The following SLC7A9 variants were observed in gnomAD, a reference collection of about 807,000 sequenced individuals.
The protein encoded by SLC7A9 is solute carrier family 7 member 9.
Under a neutral mutation model 54.1 loss-of-function variants are expected in SLC7A9, and 38 were observed. That is an observed-to-expected ratio of 0.70 (90% CI 0.54 to 0.92). The LOEUF is 0.92. Ranked by LOEUF, SLC7A9 falls within the 40% of genes least tolerant of loss-of-function variation. SLC7A9 has a pLI of 0.00. For synonymous variants in SLC7A9, 264 were observed against 258.9 expected (o/e 1.02, Z -0.19); for missense variants, 537 against 636.1 (o/e 0.84, Z 1.68).
chr19:32,831,968 G>C (rs1967809338), intron 12 of SLC7A9, among the ~76,000 whole-genome samples: 1 of 152,234 alleles, frequency 6.6e-6, no homozygotes, highest in Admixed American at 6.5e-5. Context: ...TATGTTGTGT[G>C]TCTTTCGCAA....
intron 12 of SLC7A9, among the ~76,000 whole-genome samples, chr19:32,832,104 C>A (rs139636754): frequency 6.6e-6 from 1 of 151,692 alleles, no homozygotes; most frequent in Admixed American, 6.6e-5. Context: ...GATGAAACCC[C>A]GACTCTACTA....
intron 11 of SLC7A9, 84 bp downstream of exon 11, chr19:32,842,084 G>A: frequency 7.5e-7 from 1 of 1,326,762 alleles, no homozygotes; most frequent in African/African-American, 1.4e-5. Context: ...GGAACTAGAA[G>A]GCATGCCCCT....
At position 32,864,794 on chromosome 19, in the gene SLC7A9, A is replaced by C. The variant is rs1253311379; in HGVS notation, c.88-18T>G. The C allele has an allele frequency of 6.2e-7, 1 of 1,613,966 alleles. No homozygotes were observed. The highest frequency in any genetic ancestry group is 8.5e-7 in the Non-Finnish European group (1 of 1,179,990). The stretch of plus-strand genomic sequence containing the variant: ...AGGCCCAGCTGGGTGTGGAGGAAGG[A>C]AGAGGGCGTTAGTGCCACGCCCGGA... On this transcript the variant is annotated intron_variant, in intron 2 of 12. Coordinates refer to ENST00000023064, the MANE Select transcript of SLC7A9 (RefSeq NM_014270.5).
intron 9 of SLC7A9, among the ~76,000 whole-genome samples, chr19:32,847,223 C>T (rs1249414773): frequency 1.1e-4 from 16 of 152,060 alleles, no homozygotes; most frequent in East Asian, 7.7e-4. Context: ...AGGCTTCAGA[C>T]GGTCCAACTA....
intron 9 of SLC7A9, among the ~76,000 whole-genome samples, chr19:32,856,884 G>A (rs545676218): frequency 6.6e-6 from 1 of 152,196 alleles, no homozygotes; most frequent in South Asian, 2.1e-4. Context: ...CGGGTGTGGT[G>A]GCTCACACCT....
At chr19:32,853,366 G>A (rs1015427019) in intron 9 of SLC7A9, among the ~76,000 whole-genome samples, 29 of 152,188 alleles carry the variant, frequency 1.9e-4, no homozygotes, top group Admixed American at 1.8e-3. Flanking sequence ...GGATTGTGAT[G>A]TTTGTACAGC....
chr19:32,865,543 T>G (rs1475579131), intron 2 of SLC7A9, among the ~76,000 whole-genome samples: 3 of 152,178 alleles, frequency 2.0e-5, no homozygotes, highest in Non-Finnish European at 4.4e-5. Context: ...GTTCCATGCC[T>G]GTGAAGTTCA....
intron 6 of SLC7A9, among the ~76,000 whole-genome samples, chr19:32,861,683 C>G (rs1466980712): frequency 3.9e-5 from 6 of 152,072 alleles, no homozygotes; most frequent in Admixed American, 3.9e-4. Flanking sequence ...GGCATGGCAG[C>G]TCCTATCTGT....
chr19:32,867,137 G>A (rs946914932), intron 2 of SLC7A9, among the ~76,000 whole-genome samples: 1 of 152,202 alleles, frequency 6.6e-6, no homozygotes, highest in African/African-American at 2.4e-5. Flanking sequence ...TATGCTGGGG[G>A]CAGTACTTCC....
At chr19:32,843,138 A>G (rs1968177178) in intron 10 of SLC7A9, among the ~76,000 whole-genome samples, 1 of 152,030 alleles carries the variant, frequency 6.6e-6, no homozygotes, top group Non-Finnish European at 1.5e-5. Context: ...AGAACCATGC[A>G]CCATGGAGAA....
chr19:32,835,911 ATGTGTGTGTGTGTGTGTG>A (rs60204379), intron 11 of SLC7A9, among the ~76,000 whole-genome samples: 2 of 142,734 alleles, frequency 1.4e-5, no homozygotes, highest in African/African-American at 2.6e-5. Context: ...GTGTGTGTGT[ATGTGTGTGTGTGTGTGTG>A]TGTGTGTCCG....
intron 9 of SLC7A9, among the ~76,000 whole-genome samples, chr19:32,854,363 A>G (rs995593920): frequency 1.2e-4 from 19 of 152,080 alleles, no homozygotes; most frequent in Admixed American, 3.3e-4. Flanking sequence ...CAGTTGATCT[A>G]TGGATTCAAC....
At chr19:32,853,482 A>C (rs1169698334) in intron 9 of SLC7A9, among the ~76,000 whole-genome samples, 1 of 146,844 alleles carries the variant, frequency 6.8e-6, no homozygotes, top group Non-Finnish European at 1.5e-5. Flanking sequence ...TACTAGCAAT[A>C]AACTATCAGA....
chr19:32,837,373 T>C (rs976304630), intron 11 of SLC7A9, among the ~76,000 whole-genome samples: 3 of 151,480 alleles, frequency 2.0e-5, no homozygotes, highest in African/African-American at 7.3e-5. Context: ...CGTGCACCTG[T>C]GGTCCCAGCT....
intron 11 of SLC7A9, among the ~76,000 whole-genome samples, chr19:32,837,315 C>T (rs181848820): frequency 6.6e-6 from 1 of 151,972 alleles, no homozygotes; most frequent in Non-Finnish European, 1.5e-5. Flanking sequence ...GCCCACATGG[C>T]GAAACCCCAT....
intron 6 of SLC7A9, among the ~76,000 whole-genome samples, chr19:32,861,713 G>A (rs1251047089): frequency 6.6e-6 from 1 of 152,138 alleles, no homozygotes; most frequent in Non-Finnish European, 1.5e-5. Flanking sequence ...TACTCAGGAG[G>A]CTGAGGCGGG....
At chr19:32,859,997 C>T in intron 7 of SLC7A9, 33 bp from the exon 8 acceptor site, 1 of 1,614,022 alleles carries the variant, frequency 6.2e-7, no homozygotes, top group Non-Finnish European at 8.5e-7. Context: ...GACCCACGTT[C>T]AGACCACAGC....
At chr19:32,851,016 A>C (rs1416740148) in intron 9 of SLC7A9, among the ~76,000 whole-genome samples, 1 of 152,186 alleles carries the variant, frequency 6.6e-6, no homozygotes, top group African/African-American at 2.4e-5. Context: ...CTTATACAAA[A>C]ATTAATTCAA....
chr19:32,835,762 CTATT>C (rs1967937698), intron 11 of SLC7A9, among the ~76,000 whole-genome samples: 1 of 151,800 alleles, frequency 6.6e-6, no homozygotes, highest in African/African-American at 2.4e-5. Flanking sequence ...TTGGAGTTGT[CTATT>C]TAATTTGTTT....
Sources: gnomAD v4.1 joint callset for allele counts (sites outside exome capture counted in the v4.1 genomes callset) on GRCh38, gnomAD v4.1.1 for gene constraint, MANE v1.5 for transcripts, NCBI Gene and HGNC (gene_info 2026-07-23, HGNC 2026-07-21) for gene names.